The following CRIM1 variants were observed in gnomAD, a reference collection of about 807,000 sequenced individuals.
CRIM1 encodes the protein cysteine rich transmembrane BMP regulator 1.
In CRIM1, 32 loss-of-function variants were observed where a neutral mutation model predicts 116.4. That is an observed-to-expected ratio of 0.27 (90% CI 0.21 to 0.37). CRIM1 has a LOEUF of 0.37. Among genes scored for constraint, CRIM1 ranks in the 10% least tolerant of loss-of-function variants. CRIM1 has a pLI of 1.00. For missense variants in CRIM1, 1,331 were observed against 1,354.8 expected (o/e 0.98, Z 0.28); for synonymous variants, 590 against 509.2 (o/e 1.16, Z -2.13).
At chr2:36,543,948 G>A (rs867921252) in intron 14 of CRIM1, among the ~76,000 whole-genome samples, 4 of 152,180 alleles carry the variant, frequency 2.6e-5, no homozygotes, top group Non-Finnish European at 5.9e-5. Flanking sequence ...GAAGTGGACA[G>A]TGCTTTAACT....
At position 36,510,120 on chromosome 2, in the gene CRIM1, T is replaced by C; in HGVS notation, c.1639T>C (p.Tyr547His). 1 of 1,613,708 alleles carries C rather than the reference T, an allele frequency of 6.2e-7. No homozygotes were observed. The highest frequency in any genetic ancestry group is 8.5e-7 in the Non-Finnish European group (1 of 1,179,902). ...GTGCAGACCCATAATCTGTGACAAG[T>C]ATTGTCCACTTGGATTGCTGTACGT... ...KKCRPIICDKYCPLGLLKNKH... is the reference protein window; with the variant it reads ...KKCRPIICDKHCPLGLLKNKH... The change falls in exon 9 of 17, where the codon TAT becomes CAT. Residue 547 changes from tyrosine to histidine, a missense_variant. Tyr to His is a moderately conservative substitution (Grantham distance 83, BLOSUM62 2). Coordinates refer to ENST00000280527, the MANE Select transcript of CRIM1 (RefSeq NM_016441.3).
intron 4 of CRIM1, among the ~76,000 whole-genome samples, chr2:36,449,036 T>C (rs1202397202): frequency 1.4e-5 from 1 of 70,814 alleles, no homozygotes; most frequent in African/African-American, 5.2e-5. Context: ...TTTGACTTGT[T>C]TTTTTTTTTT....
At chr2:36,438,142 A>C (rs1256487832) in intron 2 of CRIM1, among the ~76,000 whole-genome samples, 45 of 148,592 alleles carry the variant, frequency 3.0e-4, no homozygotes, top group African/African-American at 1.1e-3. Context: ...AAAAAAAAAA[A>C]CAAAAAAAAA....
intron 1 of CRIM1, among the ~76,000 whole-genome samples, chr2:36,358,404 T>G (rs1429743129): frequency 6.6e-6 from 1 of 152,236 alleles, no homozygotes; most frequent in African/African-American, 2.4e-5. Flanking sequence ...TGGAAACTGC[T>G]GTGTTCCAAG....
chr2:36,444,848 T>C (rs1310944917), intron 4 of CRIM1, among the ~76,000 whole-genome samples: 1 of 152,226 alleles, frequency 6.6e-6, no homozygotes, highest in Non-Finnish European at 1.5e-5. Flanking sequence ...ATAGGCAGCT[T>C]CTACCTCTCC....
chr2:36,388,425 C>G (rs928044701), intron 1 of CRIM1, among the ~76,000 whole-genome samples: 1 of 152,190 alleles, frequency 6.6e-6, no homozygotes, highest in Non-Finnish European at 1.5e-5. Context: ...TTCTCTGGCA[C>G]TGTCCCCAAT....
At chr2:36,411,866 A>G (rs1673235202) in intron 2 of CRIM1, among the ~76,000 whole-genome samples, 1 of 152,178 alleles carries the variant, frequency 6.6e-6, no homozygotes, top group Non-Finnish European at 1.5e-5. Context: ...GCACTTTGTA[A>G]ATAGCTTATA....
chr2:36,424,605 CCTTTTA>C (rs1227808849), intron 2 of CRIM1, among the ~76,000 whole-genome samples: 2 of 152,192 alleles, frequency 1.3e-5, no homozygotes, highest in Non-Finnish European at 2.9e-5. Flanking sequence ...ACATCACTCT[CCTTTTA>C]CTTTTAGTCT....
Position 36,544,360 on chromosome 2 carries a change from T to C in CRIM1, c.2624-16T>C, listed in dbSNP as rs1448149948. 3.0e-6 allele frequency: 4 copies of C among 1,336,220 alleles called. No homozygotes were observed. The highest frequency in any genetic ancestry group is 3.9e-6 in the Non-Finnish European group (4 of 1,033,602). 82.8% of individuals were successfully genotyped at this position (1,336,220 alleles called of 1,614,324 possible). On this transcript the variant is annotated splice_polypyrimidine_tract_variant and intron_variant, in intron 14 of 16. Transcript: ENST00000280527. ...CAGCTTCATCATCTCTTAGGAAAAA[T>C]GTTCCCTTCTTTTAGAAATGTATGT...
rs762159987 is a variant in CRIM1, at chr2:36,522,232, A to T, written c.2347A>T (p.Ser783Cys). 6.2e-7 allele frequency: 1 copy of T among 1,614,218 alleles called. No individual in the cohort carries two copies. Among genetic ancestry groups the T allele is most frequent in the Non-Finnish European group, 8.5e-7 (1 of 1,180,038 alleles). The change falls in exon 13 of 17, where the codon AGC (serine) becomes TGC (cysteine). Residue 783 changes from serine to cysteine, a missense_variant. Around this residue, in one of 3 missense-constraint regions of CRIM1, gnomAD observed 358 missense variants for 436.1 expected, o/e 0.82. Transcript: ENST00000280527. Reference sequence around the variant, plus strand: ...CTGCATCTGCATTGATAGCGTAATTAGCTGTTTCTCTGAGTCCTGCCCTTC... The same window carrying T: ...CTGCATCTGCATTGATAGCGTAATTTGCTGTTTCTCTGAGTCCTGCCCTTC... ...TSCICIDSVI[S>C]CFSESCPSVS... is the part of the protein sequence containing the mutation.
At chr2:36,519,917 G>A (rs1356698771) in intron 12 of CRIM1, among the ~76,000 whole-genome samples, 7 of 58,146 alleles carry the variant, frequency 1.2e-4, no homozygotes, top group African/African-American at 4.4e-4. Context: ...GAGCGAGGGA[G>A]GTAGAAAATA....
chr2:36,416,812 C>T (rs914372317), intron 2 of CRIM1, among the ~76,000 whole-genome samples: 1 of 152,204 alleles, frequency 6.6e-6, no homozygotes, highest in Non-Finnish European at 1.5e-5. Context: ...CCAATTCTTC[C>T]TCCCATGAGC....
At chr2:36,391,268 A>C (rs1476992063) in intron 1 of CRIM1, among the ~76,000 whole-genome samples, 1 of 151,414 alleles carries the variant, frequency 6.6e-6, no homozygotes, top group African/African-American at 2.4e-5. Flanking sequence ...AGCTGGGACT[A>C]CAGGCGCCCG....
chr2:36,511,418 C>T (rs1664669851), intron 9 of CRIM1, among the ~76,000 whole-genome samples: 1 of 152,172 alleles, frequency 6.6e-6, no homozygotes, highest in Admixed American at 6.5e-5. Context: ...AATAATGAAT[C>T]ATCATCATTC....
chr2:36,495,620 C>CT (rs1300793479), intron 7 of CRIM1, among the ~76,000 whole-genome samples: 1 of 151,330 alleles, frequency 6.6e-6, no homozygotes, highest in Non-Finnish European at 1.5e-5. Context: ...GGTCATTATT[C>CT]TTTAAGAACT....
chr2:36,470,167 T>C (rs900709783), intron 5 of CRIM1, among the ~76,000 whole-genome samples: 12 of 152,130 alleles, frequency 7.9e-5, no homozygotes, highest in African/African-American at 9.7e-5. Flanking sequence ...AACTCCTGAG[T>C]TTTGAAAACA....
chr2:36,449,744 A>C (rs1676545874), intron 4 of CRIM1, among the ~76,000 whole-genome samples: 1 of 152,218 alleles, frequency 6.6e-6, no homozygotes, highest in Admixed American at 6.5e-5. Context: ...AAGGTAAAGA[A>C]AAATTTTAGG....
chr2:36,440,745 A>G (rs888379262), intron 2 of CRIM1, among the ~76,000 whole-genome samples: 3 of 152,190 alleles, frequency 2.0e-5, no homozygotes, highest in African/African-American at 7.2e-5. Flanking sequence ...AAAGTCACAG[A>G]CTATTAATAG....
chr2:36,513,300 A>G lies in CRIM1; in HGVS notation c.1781-256A>G, dbSNP rs141340942. On this transcript the variant is annotated intron_variant, in intron 10 of 16. Transcript: ENST00000280527. The stretch of plus-strand genomic sequence containing the variant: ...TATTGTATAAAATATGAGAAAGTAC[A>G]GTGGAAGGAATAAAAAATCAGCGAT... 2.0e-3 allele frequency: 938 copies of G among 476,706 alleles called. 3 individuals carry two copies. The highest frequency in any genetic ancestry group is 0.017 in the African/African-American group (874 of 51,952). 29.5% of individuals were successfully genotyped at this position (476,706 alleles called of 1,614,324 possible).
Sources: gnomAD v4.1 joint callset for allele counts (sites outside exome capture counted in the v4.1 genomes callset) on GRCh38, gnomAD v4.1.1 for gene constraint, gnomAD v4.1.1 regional missense constraint, MANE v1.5 for transcripts, NCBI Gene and HGNC (gene_info 2026-07-23, HGNC 2026-07-21) for gene names.